The following SIGLEC10 variants were observed in gnomAD, a reference collection of about 807,000 sequenced individuals.
SIGLEC10 encodes the protein sialic acid-binding Ig-like lectin 10.
Under a neutral mutation model 68.3 loss-of-function variants are expected in SIGLEC10, and 45 were observed. The ratio of observed to expected loss-of-function variants is 0.66; its 90% CI spans 0.52 to 0.84. The LOEUF is 0.84. Ranked by LOEUF, SIGLEC10 falls within the 40% of genes least tolerant of loss-of-function variation. SIGLEC10 has a pLI of 0.00. For missense variants in SIGLEC10, 789 were observed against 883.1 expected (o/e 0.89, Z 1.35); for synonymous variants, 379 against 370.8 (o/e 1.02, Z -0.26).
Position 51,416,152 on chromosome 19 carries a change from G to A in SIGLEC10, c.770C>T (p.Pro257Leu), listed in dbSNP as rs778021876. Residue 257 changes from proline to leucine, a missense_variant, in exon 5 of 11, where the codon CCC (proline) becomes CTC (leucine). By Grantham distance (98) the Pro-to-Leu change is moderately conservative (BLOSUM62 -3). Transcript: ENST00000339313. The part of the protein sequence containing the change: ...RDNTPALEPQ[P>L]QGNVPYLEAQ... ...TTCCAGGTATGGGACATTTCCCTGG[G>A]GCTGGGGCTCCAGGGCTGGAGTGGG... is the stretch of plus-strand genomic sequence containing the variant. 13 of 1,610,320 alleles carry A rather than the reference G, an allele frequency of 8.1e-6. No homozygotes were observed. Among genetic ancestry groups the A allele is most frequent in the Middle Eastern group, 1.6e-4 (1 of 6,064 alleles).
At chr19:51,411,429 C>G in intron 10 of SIGLEC10, 58 bp from the exon 11 acceptor site, 1 of 1,594,374 alleles carries the variant, frequency 6.3e-7, no homozygotes, top group Non-Finnish European at 8.6e-7. Flanking sequence ...GAGCACTTAC[C>G]ACGCGTCGGG....
intron 10 of SIGLEC10, among the ~76,000 whole-genome samples, 188 bp downstream of exon 10, chr19:51,413,524 T>A (rs963743859): frequency 1.3e-5 from 2 of 152,148 alleles, no homozygotes; most frequent in Non-Finnish European, 2.9e-5. Flanking sequence ...GAGGAAGAAA[T>A]GAAGGCTCAG....
At position 51,414,423 on chromosome 19, in the gene SIGLEC10, T is replaced by G. The variant is rs773740336; in HGVS notation, c.1708A>C (p.Ile570Leu). Residue 570 changes from isoleucine to leucine, a missense_variant and splice_region_variant, in exon 9 of 11, where the codon ATC becomes CTC. Coordinates refer to ENST00000339313, the MANE Select transcript of SIGLEC10 (RefSeq NM_033130.5). This position sits in a 1 kb window ranked among gnomAD's most constrained non-coding sequence, Gnocchi z 4.1. ...CCGCCACGCCTCCTCTTAACCTACATGATCAGGGCCAGGCAGAGGAAAAGA... is the reference window on the plus strand; with the variant it reads ...CCGCCACGCCTCCTCTTAACCTACAGGATCAGGGCCAGGCAGAGGAAAAGA... ...ALLFLCLALI[I>L]MKILPKRRTQ... 32 of 1,613,362 alleles carry G rather than the reference T, an allele frequency of 2.0e-5. No individual in the cohort carries two copies. In the South Asian group the frequency reaches 3.2e-4, roughly 16 times the overall value.
At chr19:51,416,495 C>T (rs752728152) in intron 3 of SIGLEC10, 138 bp from the exon 4 acceptor site, 21 of 1,589,542 alleles carry the variant, frequency 1.3e-5, no homozygotes, top group African/African-American at 5.4e-5. Context: ...CGTGTGTGGA[C>T]CAGACGCCAT....
Position 51,414,971 on chromosome 19 carries a change from C to T in SIGLEC10, c.1468G>A (p.Asp490Asn). 1.2e-6 allele frequency: 2 copies of T among 1,613,618 alleles called. No homozygotes were observed. Among genetic ancestry groups the T allele is most frequent in the Non-Finnish European group, 1.7e-6 (2 of 1,179,964 alleles). ...EELLEGNSSQ[D>N]SFEVTPSSAG... ...GAGCTGGGGGTGACCTCGAAGGAGT[C>T]CTGGCTGCTGTTCCCCTCCAGCAGC... The change falls in exon 8 of 11, where the codon GAC (aspartate) becomes AAC (asparagine). Residue 490 changes from aspartate to asparagine, a missense_variant. Asp to Asn is a conservative substitution (Grantham distance 23). Coordinates refer to ENST00000339313, the MANE Select transcript of SIGLEC10 (RefSeq NM_033130.5). The surrounding 1 kb of genome is among the most constrained non-coding windows in gnomAD (Gnocchi z 4.1).
At chr19:51,415,519 C>A (rs1008907115) in intron 6 of SIGLEC10, 49 bp downstream of exon 6, 1 of 1,614,056 alleles carries the variant, frequency 6.2e-7, no homozygotes, top group Non-Finnish European at 8.5e-7. Context: ...GACTCCTGGG[C>A]CCCCAATTCG....
chr19:51,416,674 C>A lies in SIGLEC10; in HGVS notation c.698G>T (p.Arg233Leu). The change falls in exon 3 of 11, where the codon CGT becomes CTT. Residue 233 changes from arginine to leucine, a missense_variant. By Grantham distance (102) the Arg-to-Leu change is moderately radical. Coordinates refer to ENST00000339313, the MANE Select transcript of SIGLEC10 (RefSeq NM_033130.5). ...TCCCAGGCCACACTCACAGGCCACA[C>A]GGAGTCGGACGGTCCTCTGTGCGCT... ...GVSAQRTVRL[R>L]VAYAPRDLVI... is the part of the protein sequence containing the mutation. The A allele has an allele frequency of 6.2e-7, 1 of 1,613,570 alleles. No homozygotes were observed. Among genetic ancestry groups the A allele is most frequent in the Non-Finnish European group, 8.5e-7 (1 of 1,179,980 alleles).
Position 51,415,624 on chromosome 19 carries a change from G to A in SIGLEC10, c.1025-9C>T, listed in dbSNP as rs754482350. 4.3e-6 allele frequency: 7 copies of A among 1,613,806 alleles called. No homozygotes were observed. The highest frequency in any genetic ancestry group is 5.9e-6 in the Non-Finnish European group (7 of 1,179,846). ...CAGGTTCTCTGGAGGATCTGAAATG[G>A]AGACAGGGGACCGGCTCTAGACGGA... On this transcript the variant is annotated splice_polypyrimidine_tract_variant and intron_variant, in intron 5 of 10. Coordinates refer to ENST00000339313, the MANE Select transcript of SIGLEC10 (RefSeq NM_033130.5).
chr19:51,416,515 C>T (rs1988680088), intron 3 of SIGLEC10, 151 bp downstream of exon 3: 1 of 1,577,798 alleles, frequency 6.3e-7, no homozygotes, highest in African/African-American at 1.3e-5. Context: ...TTCCCATCCC[C>T]CTCCCAGGGC....
At chr19:51,412,775 C>CT (rs113293263) in intron 10 of SIGLEC10, among the ~76,000 whole-genome samples, 2,358 of 141,206 alleles carry the variant, frequency 0.017, 58 homozygotes, top group African/African-American at 0.057. Context: ...CAGGCGTGGC[C>CT]TTTTTTTTTT....
chr19:51,416,235 G>A, intron 4 of SIGLEC10, 68 bp from the exon 5 acceptor site: 1 of 1,611,960 alleles, frequency 6.2e-7, no homozygotes, highest in Non-Finnish European at 8.5e-7. Flanking sequence ...ACAGGGAGGA[G>A]CACATCCCCT....
Position 51,411,388 on chromosome 19 carries a change from C to T in SIGLEC10, c.1822-17G>A. The T allele has an allele frequency of 6.2e-7, 1 of 1,612,076 alleles. No individual in the cohort carries two copies. The highest frequency in any genetic ancestry group is 1.1e-5 in the South Asian group (1 of 91,062). On this transcript the variant is annotated splice_polypyrimidine_tract_variant and intron_variant, in intron 10 of 10. Transcript: ENST00000339313. ...CTTCTGAGCCTGAGGGAAGAACCAC[C>T]ATCCTTCATTCATTCATTCAGCAAA...
chr19:51,416,847 G>A lies in SIGLEC10; in HGVS notation c.525C>T (p.Pro175=). 1.2e-6 allele frequency: 2 copies of A among 1,614,192 alleles called. No homozygotes were observed. The highest frequency in any genetic ancestry group is 1.1e-5 in the South Asian group (1 of 91,090). Residue 175 remains proline (P), a synonymous_variant, in exon 3 of 11, where the codon CCC becomes CCT. Coordinates refer to ENST00000339313, the MANE Select transcript of SIGLEC10 (RefSeq NM_033130.5). ...VFNWAFEECP[P]PSFSWTGAAL... The stretch of plus-strand genomic sequence containing the variant: ...CAGCCCCCGTCCAGGAGAAAGAAGG[G>A]GGTGGACATTCCTCAAAGGCCCAGT...
Position 51,416,223 on chromosome 19 carries a change from G to A in SIGLEC10, c.755-56C>T, listed in dbSNP as rs1164301781. The A allele has an allele frequency of 1.2e-5, 19 of 1,610,612 alleles. No homozygotes were observed. The South Asian group carries it at 2.1e-4, about 18-fold the overall frequency. On this transcript the variant is annotated intron_variant, in intron 4 of 10. Transcript: ENST00000339313. ...AAAGGGAGGGAGAAAGAGAGAAGGG[G>A]TACAGGGAGGAGCACATCCCCTCAT...
At chr19:51,411,634 A>G (rs2123715635) in intron 10 of SIGLEC10, among the ~76,000 whole-genome samples, 2 of 152,242 alleles carry the variant, frequency 1.3e-5, no homozygotes, top group East Asian at 3.9e-4. Flanking sequence ...TAGGTCATCC[A>G]GGGAATTTCA....
chr19:51,417,479 G>C lies in SIGLEC10; in HGVS notation c.38-14C>G. 6.2e-7 allele frequency: 1 copy of C among 1,613,842 alleles called. No individual in the cohort carries two copies. Among genetic ancestry groups the C allele is most frequent in the Non-Finnish European group, 8.5e-7 (1 of 1,179,818 alleles). On this transcript the variant is annotated splice_polypyrimidine_tract_variant and intron_variant, in intron 1 of 10. Transcript: ENST00000339313. ...TAGCCTGGGACCCTGTGGGGAGACAGAGGCTCAACCTGCAACCCCAGCCCT... is the reference window on the plus strand; with the variant it reads ...TAGCCTGGGACCCTGTGGGGAGACACAGGCTCAACCTGCAACCCCAGCCCT...
chr19:51,415,254 G>C lies in SIGLEC10; in HGVS notation c.1257C>G (p.His419Gln). Residue 419 changes from histidine to glutamine, a missense_variant, in exon 7 of 11, where the codon CAC becomes CAG. His to Gln is a conservative substitution (Grantham distance 24, BLOSUM62 0). Transcript: ENST00000339313. Reference sequence around the variant, plus strand: ...GAGCGTGGCAGGTGAACTCTCCTTCGTGCTCCACTTGAACCCGAGGCAGCT... The same window carrying C: ...GAGCGTGGCAGGTGAACTCTCCTTCCTGCTCCACTTGAACCCGAGGCAGCT... Reference protein sequence around the residue: ...VLELPRVQVEHEGEFTCHARH... With the variant: ...VLELPRVQVEQEGEFTCHARH... 7 of 1,614,050 alleles carry C rather than the reference G, an allele frequency of 4.3e-6. No individual in the cohort carries two copies. The highest frequency in any genetic ancestry group is 5.9e-6 in the Non-Finnish European group (7 of 1,179,978).
In SIGLEC10 at chr19:51,410,962, A is replaced by AAAAGAGAGAG; in HGVS notation, c.*127_*136dup. On this transcript the variant is annotated 3_prime_UTR_variant, in exon 11 of 11. Coordinates refer to ENST00000339313, the MANE Select transcript of SIGLEC10 (RefSeq NM_033130.5). ...CTGTGCCCTGGCCAGATGTTTTTTTAAAAGAGAGAGAAAGAGAGAGAGAGA... is the reference window on the plus strand; with the variant it reads ...CTGTGCCCTGGCCAGATGTTTTTTTAAAAGAGAGAGAAAGAGAGAGAAAGAGAGAGAGAGA... 1 of 1,093,510 alleles carries AAAAGAGAGAG rather than the reference A, an allele frequency of 9.1e-7. No homozygotes were observed. 67.7% of individuals were successfully genotyped at this position (1,093,510 alleles called of 1,614,324 possible).
At position 51,411,092 on chromosome 19, in the gene SIGLEC10, G is replaced by A; in HGVS notation, c.*7C>T. Reference sequence around the variant, plus strand: ...CCGAAGTCCCAGTCCTAAAGCCTAAGAGACCCTCATTGGAACTTGACTTCT... The same window carrying A: ...CCGAAGTCCCAGTCCTAAAGCCTAAAAGACCCTCATTGGAACTTGACTTCT... On this transcript the variant is annotated 3_prime_UTR_variant, in exon 11 of 11. Transcript: ENST00000339313. The A allele has an allele frequency of 1.2e-6, 2 of 1,611,742 alleles. No individual in the cohort carries two copies. Among genetic ancestry groups the A allele is most frequent in the East Asian group, 2.2e-5 (1 of 44,842 alleles).
Sources: gnomAD v4.1 joint callset for allele counts (sites outside exome capture counted in the v4.1 genomes callset) on GRCh38, gnomAD v4.1.1 for gene constraint, Gnocchi (gnomAD v3.1) non-coding constraint, MANE v1.5 for transcripts, NCBI Gene and HGNC (gene_info 2026-07-23, HGNC 2026-07-21) for gene names.